Variants in GRIA3 observed in about 807,000 individuals in gnomAD.
The protein encoded by GRIA3 is glutamate ionotropic receptor AMPA type subunit 3, also known as glutamate receptor 3.
Under a neutral mutation model 63.0 loss-of-function variants are expected in GRIA3, and 3 were observed. The observed-to-expected ratio is 0.05, with a 90% confidence interval of 0.02 to 0.12. The LOEUF is 0.12. GRIA3 is among the 10% of genes least tolerant of loss of function. The pLI is 1.00. For missense variants in GRIA3, 347 were observed against 700.9 expected (o/e 0.50, Z 5.70); for synonymous variants, 274 against 257.9 (o/e 1.06, Z -0.60).
At chrX:123,184,827 G>T in intron 1 of GRIA3, 183 bp downstream of exon 1, 1 of 504,504 alleles carries the variant, frequency 2.0e-6, no homozygotes. Flanking sequence ...CCTCAACGAG[G>T]TGGCTGGTCT....
chrX:123,205,728 AATC>A (rs1927869859), intron 2 of GRIA3, among the ~76,000 whole-genome samples: 1 of 111,940 alleles, frequency 8.9e-6, no homozygotes, highest in African/African-American at 3.3e-5. Context: ...AAAGACCCTG[AATC>A]ATCCATAGAA....
chrX:123,204,330 C>T lies in GRIA3; in HGVS notation c.268+18340C>T, dbSNP rs1335343084. 4.3e-6 allele frequency: 4 copies of T among 939,826 alleles called. No homozygotes were observed. The African/African-American group carries it at 7.8e-5, about 18-fold the overall frequency. The allele number at this position is 939,826 out of a possible 1,213,427, so 77.5% of individuals were successfully genotyped here. On this transcript the variant is annotated intron_variant, in intron 2 of 15. Transcript: ENST00000620443. Reference sequence around the variant, plus strand: ...GGGAGGCTGACAGAAAGGGAAGTTCCAAAAGGTGACCCCATGATGTGGCTC... The same window carrying T: ...GGGAGGCTGACAGAAAGGGAAGTTCTAAAAGGTGACCCCATGATGTGGCTC...
chrX:123,439,771 A>C (rs1054587743), intron 12 of GRIA3, among the ~76,000 whole-genome samples: 2 of 107,261 alleles, frequency 1.9e-5, no homozygotes, highest in Admixed American at 1.0e-4. Flanking sequence ...TATGCTTGTT[A>C]CACTCAACTC....
At chrX:123,210,416 T>G (rs918460416) in intron 2 of GRIA3, among the ~76,000 whole-genome samples, 3 of 111,484 alleles carry the variant, frequency 2.7e-5, no homozygotes, top group Non-Finnish European at 5.7e-5. Context: ...ACACTGGTTT[T>G]ATCCACTCAA....
At chrX:123,451,222 C>T (rs1291533038) in intron 12 of GRIA3, among the ~76,000 whole-genome samples, 5 of 110,583 alleles carry the variant, frequency 4.5e-5, no homozygotes, top group East Asian at 2.9e-4. Context: ...GATTGTAGGC[C>T]GGGCATGGTG....
At chrX:123,273,496 A>G (rs1229528171) in intron 3 of GRIA3, among the ~76,000 whole-genome samples, 1 of 111,965 alleles carries the variant, frequency 8.9e-6, no homozygotes, top group Non-Finnish European at 1.9e-5. Flanking sequence ...CACAGTTTGT[A>G]AGTTGCAGAG....
At chrX:123,232,025 T>G (rs766800262) in intron 2 of GRIA3, among the ~76,000 whole-genome samples, 36 of 111,929 alleles carry the variant, frequency 3.2e-4, no homozygotes, top group Non-Finnish European at 6.2e-4. Flanking sequence ...ATCCTCATCC[T>G]TTTGCATGGC....
intron 10 of GRIA3, among the ~76,000 whole-genome samples, chrX:123,416,907 G>A (rs999711228): frequency 2.7e-5 from 3 of 112,498 alleles, no homozygotes; most frequent in African/African-American, 9.7e-5. Flanking sequence ...ACATAAGACA[G>A]CAAACACCTA....
chrX:123,306,901 T>C (rs1381747935), intron 3 of GRIA3, among the ~76,000 whole-genome samples: 1 of 112,038 alleles, frequency 8.9e-6, no homozygotes, highest in African/African-American at 3.2e-5. Context: ...CCAGGGACTT[T>C]GGCAGAGAAT....
rs143390954 is a variant in GRIA3 at position 123,341,400 on chromosome X, C to A, written c.697-13510C>A. Among the ~76,000 whole-genome samples the A allele has an allele frequency of 2.7e-5, 3 of 110,941 alleles. No homozygotes were observed. The South Asian group carries it at 1.1e-3, about 42-fold the overall frequency. On this transcript the variant is annotated intron_variant, in intron 4 of 15. Coordinates refer to ENST00000620443, the MANE Select transcript of GRIA3 (RefSeq NM_007325.5). ...TTTGGCTTCAGGGCTTGGAAAGATA[C>A]GGACAATTAGAATGTATCAGAACAC...
At chrX:123,465,324 TCTGA>T (rs1247258749) in intron 13 of GRIA3, among the ~76,000 whole-genome samples, 4 of 112,013 alleles carry the variant, frequency 3.6e-5, no homozygotes, top group Non-Finnish European at 7.5e-5. Flanking sequence ...TGTTGTCCTC[TCTGA>T]CTGTTTGTTG....
At chrX:123,281,869 A>G (rs895531525) in intron 3 of GRIA3, among the ~76,000 whole-genome samples, 3 of 112,177 alleles carry the variant, frequency 2.7e-5, no homozygotes, top group African/African-American at 9.7e-5. Flanking sequence ...GATGAACACC[A>G]CATCCCATGG....
At chrX:123,401,507 A>G (rs1295860590) in intron 7 of GRIA3, among the ~76,000 whole-genome samples, 1 of 111,751 alleles carries the variant, frequency 8.9e-6, no homozygotes, top group East Asian at 2.8e-4. Context: ...AGTAATTTCT[A>G]TCTCAACAAA....
chrX:123,452,422 C>T (rs1228606565), intron 12 of GRIA3, among the ~76,000 whole-genome samples: 5 of 110,222 alleles, frequency 4.5e-5, no homozygotes, highest in Admixed American at 9.6e-5. Flanking sequence ...AAGCAAATTG[C>T]TTCTTCTTTT....
At chrX:123,213,944 G>A (rs1307985212) in intron 2 of GRIA3, among the ~76,000 whole-genome samples, 1 of 111,920 alleles carries the variant, frequency 8.9e-6, no homozygotes. Flanking sequence ...AGCCTCAGTG[G>A]CCTGAAAGCT....
chrX:123,362,200 T>C (rs1266423116), intron 5 of GRIA3, among the ~76,000 whole-genome samples: 1 of 111,869 alleles, frequency 8.9e-6, no homozygotes, highest in African/African-American at 3.3e-5. Context: ...AAACAGAGTG[T>C]ATTGTCCTTA....
At chrX:123,360,677 C>T (rs1044108937) in intron 5 of GRIA3, among the ~76,000 whole-genome samples, 7 of 76,682 alleles carry the variant, frequency 9.1e-5, no homozygotes, top group East Asian at 4.0e-4. Flanking sequence ...GCCTGGGTGA[C>T]GGAGCAAGAC....
intron 3 of GRIA3, among the ~76,000 whole-genome samples, chrX:123,255,220 A>G (rs185534109): frequency 3.9e-4 from 44 of 111,646 alleles, no homozygotes; most frequent in African/African-American, 1.3e-3. Flanking sequence ...CTAGCCTTGA[A>G]AGATAGATAA....
At chrX:123,351,562 G>C (rs2045094386) in intron 4 of GRIA3, among the ~76,000 whole-genome samples, 1 of 111,706 alleles carries the variant, frequency 9.0e-6, no homozygotes, top group Non-Finnish European at 1.9e-5. Context: ...ATGACTTAGG[G>C]AACATCCATG....
Sources: gnomAD v4.1 joint callset for allele counts (sites outside exome capture counted in the v4.1 genomes callset) on GRCh38, gnomAD v4.1.1 for gene constraint, MANE v1.5 for transcripts, NCBI Gene and HGNC (gene_info 2026-07-23, HGNC 2026-07-21) for gene names.